Variants in DST observed in about 807,000 individuals in gnomAD.
DST encodes bullous pemphigoid antigen.
DST carries 253 observed loss-of-function variants against 875.2 expected under a neutral mutation model. The ratio of observed to expected loss-of-function variants is 0.29; its 90% CI spans 0.26 to 0.32. The LOEUF is 0.32. Among genes scored for constraint, DST ranks in the 10% least tolerant of loss-of-function variants. The probability of loss-of-function intolerance (pLI) is 1.00; values close to 1 mark genes in which losing one functional copy is unlikely to be tolerated. For missense variants in DST, 8,287 were observed against 9,111.6 expected, an observed-to-expected ratio of 0.91 and a Z score of 3.68; for synonymous variants, 3,124 against 3,197.1, an observed-to-expected ratio of 0.98 and a Z score of 0.77.
At chr6:56,567,429 T>A (rs1360444318) in intron 55 of DST, among the ~76,000 whole-genome samples, 664 of 104,380 alleles carry the variant, frequency 6.4e-3, no homozygotes, top group East Asian at 8.7e-3. Context: ...TTACCAAGAG[T>A]AAAAAAAAAA....
intron 3 of DST, among the ~76,000 whole-genome samples, chr6:56,897,320 TTTTATTTATTTA>T (rs59774915): frequency 1.4e-3 from 205 of 148,220 alleles, no homozygotes; most frequent in Middle Eastern, 6.8e-3. Context: ...GGGGGGTTGT[TTTTATTTATTTA>T]TTTATTTATT....
intron 36 of DST, chr6:56,615,317 C>A: frequency 7.2e-7 from 1 of 1,394,514 alleles, no homozygotes; most frequent in Non-Finnish European, 9.3e-7. Context: ...TAAATGAAAC[C>A]ATTTGAAGGG....
chr6:56,703,753 A>G lies in DST; in HGVS notation c.778-7T>C. ...AAAAATCTCGCTCCCTTGGCTAATG[A>G]ATATAACAGACAGAAGATAGGACAG... On this transcript the variant is annotated splice_polypyrimidine_tract_variant and splice_region_variant and intron_variant, in intron 6 of 103. Transcript: ENST00000680361. 1.0e-6 allele frequency: 1 copy of G among 970,628 alleles called. No homozygotes were observed. The highest frequency in any genetic ancestry group is 4.8e-5 in the South Asian group (1 of 20,992). 60.1% of individuals were successfully genotyped at this position (970,628 alleles called of 1,614,324 possible).
chr6:56,878,707 C>T (rs1592000623), intron 3 of DST, among the ~76,000 whole-genome samples: 1 of 152,148 alleles, frequency 6.6e-6, no homozygotes, highest in African/African-American at 2.4e-5. Context: ...CCCCTAATCC[C>T]CTCTCTCCTT....
At chr6:56,871,691 G>T (rs969897065) in intron 3 of DST, 3 of 519,012 alleles carry the variant, frequency 5.8e-6, no homozygotes, top group African/African-American at 2.2e-5. Context: ...TTGCCTAGAA[G>T]AAAAAGATAT....
rs181142576 is a variant in DST at position 56,575,455 on chromosome 6, A to C, written c.13028-1568T>G. 3.3e-3 allele frequency among the ~76,000 whole-genome samples: 500 copies of C among 152,278 alleles called. 2 individuals are homozygous for C. Among genetic ancestry groups the C allele is most frequent in the Non-Finnish European group, 4.5e-3 (303 of 68,016 alleles). On this transcript the variant is annotated intron_variant, in intron 50 of 103. Coordinates refer to ENST00000680361, the MANE Select transcript of DST (RefSeq NM_001374736.1). ...GAAGTTGGCAGGTTAGCGACTTCTT[A>C]ATTGGGCAACTGCATCAACAGGGTA... is the stretch of plus-strand genomic sequence containing the variant.
chr6:56,635,850 G>A, intron 23 of DST, 136 bp from the exon 24 acceptor site: 2 of 886,762 alleles, frequency 2.3e-6, no homozygotes, highest in South Asian at 2.8e-5. Flanking sequence ...TAGCTTAATA[G>A]TCACATCTTT....
chr6:56,504,025 G>A lies in DST; in HGVS notation c.19538C>T (p.Thr6513Ile), dbSNP rs200108872. The A allele has an allele frequency of 2.5e-6, 4 of 1,608,550 alleles. No individual in the cohort carries two copies. Among genetic ancestry groups the A allele is most frequent in the Non-Finnish European group, 2.5e-6 (3 of 1,177,736 alleles). Residue 6513 changes from threonine to isoleucine, a missense_variant, in exon 78 of 104, where the codon ACT becomes ATT. Thr to Ile is a moderately conservative substitution (Grantham distance 89). Coordinates refer to ENST00000680361, the MANE Select transcript of DST (RefSeq NM_001374736.1). ...TAGCTCTTCAATCTGCTGCTTGACA[G>A]TTTCGAGATCTGTTCCAATTGGAGA... Reference protein sequence around the residue: ...SMSPIGTDLETVKQQIEELKQ... With the variant: ...SMSPIGTDLEIVKQQIEELKQ...
intron 15 of DST, 189 bp from the exon 16 acceptor site, chr6:56,642,692 A>G (rs2098918249): frequency 6.2e-7 from 1 of 1,613,830 alleles, no homozygotes; most frequent in African/African-American, 1.3e-5. Flanking sequence ...CAATGAACCA[A>G]GAGAAGATTT....
intron 85 of DST, 85 bp downstream of exon 85, chr6:56,492,142 G>T: frequency 8.3e-7 from 1 of 1,210,034 alleles, no homozygotes; most frequent in Non-Finnish European, 1.2e-6. Context: ...TACAGCCTGT[G>T]ATAAAAGTAC....
intron 9 of DST, chr6:56,693,399 G>C: frequency 9.0e-7 from 1 of 1,109,660 alleles, no homozygotes; most frequent in East Asian, 7.0e-5. Context: ...AATCCTCTTA[G>C]ACAAACATTA....
intron 4 of DST, among the ~76,000 whole-genome samples, chr6:56,808,450 A>G (rs75189384): frequency 6.6e-6 from 1 of 152,200 alleles, no homozygotes; most frequent in Admixed American, 6.5e-5. Flanking sequence ...ATGCAGTGGG[A>G]AAAAAATGTA....
At chr6:56,463,988 A>G (rs1221357908) in intron 100 of DST, 1 of 650,128 alleles carries the variant, frequency 1.5e-6, no homozygotes. Context: ...GAAAAAATAA[A>G]GTGTGCTTAT....
At chr6:56,904,180 T>G (rs1795344639) in intron 2 of DST, among the ~76,000 whole-genome samples, 2 of 152,234 alleles carry the variant, frequency 1.3e-5, no homozygotes. Context: ...AACACAATAG[T>G]GTATTATTCA....
rs2099687503 is a variant in DST at position 56,779,547 on chromosome 6, G to C, written c.626-44258C>G. Among the ~76,000 whole-genome samples the C allele has an allele frequency of 2.0e-5, 3 of 151,858 alleles. No homozygotes were observed. The South Asian group carries it at 6.2e-4, about 32-fold the overall frequency. ...AACATTTAAGTCTTTAATCCATCTT[G>C]AATTAATTTTTGTATAAGGTGTAAG... On this transcript the variant is annotated intron_variant, in intron 4 of 103. Coordinates refer to ENST00000680361, the MANE Select transcript of DST (RefSeq NM_001374736.1).
In DST at chr6:56,779,613, T is replaced by A. The variant is rs535404482; in HGVS notation, c.626-44324A>T. 1.3e-3 allele frequency among the ~76,000 whole-genome samples: 196 copies of A among 152,062 alleles called. 2 individuals carry two copies. The highest frequency in any genetic ancestry group is 3.4e-3 in the Middle Eastern group (1 of 294). ...CAGCTTTCTACATATAGCTAGCCAGTTTTCCCAGCACCATTTATTAAATAG... is the reference window on the plus strand; with the variant it reads ...CAGCTTTCTACATATAGCTAGCCAGATTTCCCAGCACCATTTATTAAATAG... On this transcript the variant is annotated intron_variant, in intron 4 of 103. Transcript: ENST00000680361.
intron 3 of DST, among the ~76,000 whole-genome samples, chr6:56,865,966 TG>T (rs1394855655): frequency 2.0e-5 from 3 of 150,004 alleles, no homozygotes; most frequent in Admixed American, 6.6e-5. Context: ...ATTAGAGCTA[TG>T]TTTTTTTTTT....
chr6:56,637,257 T>C (rs942759307), intron 22 of DST, among the ~76,000 whole-genome samples: 4 of 152,192 alleles, frequency 2.6e-5, no homozygotes, highest in Admixed American at 6.5e-5. Context: ...AAATTTCTTA[T>C]TAAAATATAA....
intron 66 of DST, 95 bp downstream of exon 66, chr6:56,529,353 A>C (rs2096856868): frequency 1.9e-6 from 2 of 1,063,890 alleles, no homozygotes. Context: ...AATTCATCGA[A>C]ATCATCATAA....
Sources: allele counts gnomAD v4.1 joint callset (sites outside exome capture counted in the v4.1 genomes callset), GRCh38; gene constraint gnomAD v4.1.1; transcripts MANE v1.5; gene names NCBI Gene and HGNC (gene_info 2026-07-23, HGNC 2026-07-21).